SLC35D4: variants seen among roughly 807,000 people sequenced by gnomAD.
The protein encoded by SLC35D4 is UDP-N-acetylglucosamine transporter SLC35D4.
At chr18:23,327,021 C>T in the SLC35D4 span, among the ~76,000 whole-genome samples, 94 of 152,258 alleles carry the variant, frequency 6.2e-4, 3 homozygotes, top group East Asian at 0.017. Flanking sequence ...ACACAATGTA[C>T]CAGAATCTCT....
chr18:23,383,678 GT>G, the SLC35D4 span, among the ~76,000 whole-genome samples: 1 of 152,002 alleles, frequency 6.6e-6, no homozygotes, highest in African/African-American at 2.4e-5. Context: ...GCGAGGGATG[GT>G]TTTGTAAACA....
the SLC35D4 span, among the ~76,000 whole-genome samples, chr18:23,254,120 T>C: frequency 2.0e-5 from 3 of 152,194 alleles, no homozygotes; most frequent in South Asian, 6.2e-4. Context: ...ATAGGGATGA[T>C]CTACTTTGAC....
the SLC35D4 span, among the ~76,000 whole-genome samples, chr18:23,239,517 C>CA: frequency 1.3e-5 from 2 of 152,192 alleles, no homozygotes; most frequent in South Asian, 2.1e-4. Context: ...TCCTAGAAGC[C>CA]GACATGGGTT....
chr18:23,402,827 C>T, the SLC35D4 span, among the ~76,000 whole-genome samples: 1 of 151,860 alleles, frequency 6.6e-6, no homozygotes, highest in East Asian at 1.9e-4. Flanking sequence ...TAAAAATAGG[C>T]CAGGTGTGGT....
At chr18:23,307,490 G>A in the SLC35D4 span, among the ~76,000 whole-genome samples, 1 of 152,190 alleles carries the variant, frequency 6.6e-6, no homozygotes, top group Non-Finnish European at 1.5e-5. Context: ...GAGAGTTCAG[G>A]GGTGAAACCC....
the SLC35D4 span, among the ~76,000 whole-genome samples, chr18:23,425,536 G>A: frequency 1.3e-5 from 2 of 152,174 alleles, no homozygotes; most frequent in Non-Finnish European, 2.9e-5. Context: ...GCTTGGCCTC[G>A]CCTACCACAA....
chr18:23,310,018 A>G, the SLC35D4 span, among the ~76,000 whole-genome samples: 10 of 152,344 alleles, frequency 6.6e-5, no homozygotes, highest in East Asian at 1.9e-3. Context: ...CAAATTCTTC[A>G]AAAGGGAGGC....
the SLC35D4 span, among the ~76,000 whole-genome samples, chr18:23,247,016 A>G: frequency 8.5e-5 from 13 of 152,342 alleles, no homozygotes; most frequent in South Asian, 2.3e-3. Flanking sequence ...AATTCATACA[A>G]TTCAAACCTG....
chr18:23,432,507 C>A, the SLC35D4 span, among the ~76,000 whole-genome samples: 2 of 151,718 alleles, frequency 1.3e-5, no homozygotes, highest in African/African-American at 4.8e-5. Flanking sequence ...ATAGTGAAAC[C>A]CCGTCTCTAC....
chr18:23,431,647 G>A, the SLC35D4 span, among the ~76,000 whole-genome samples: 9 of 151,890 alleles, frequency 5.9e-5, no homozygotes, highest in African/African-American at 2.2e-4. Flanking sequence ...TTCTGCATAG[G>A]AGTCATAGTT....
chr18:23,239,986 T>C, the SLC35D4 span, among the ~76,000 whole-genome samples: 3 of 152,114 alleles, frequency 2.0e-5, no homozygotes, highest in African/African-American at 7.2e-5. Flanking sequence ...GGTGTGGTGT[T>C]GCGCGCCTGT....
the SLC35D4 span, among the ~76,000 whole-genome samples, chr18:23,377,481 AAC>A: frequency 1.3e-5 from 2 of 152,222 alleles, no homozygotes; most frequent in East Asian, 1.9e-4. Flanking sequence ...AGAAAAGAAA[AAC>A]ACAAGAAATT....
chr18:23,337,665 A>T, the SLC35D4 span, among the ~76,000 whole-genome samples: 1 of 152,218 alleles, frequency 6.6e-6, no homozygotes, highest in Non-Finnish European at 1.5e-5. Flanking sequence ...TCATGAGTTC[A>T]TCGTATATTT....
chr18:23,437,512 C>T, the SLC35D4 span, among the ~76,000 whole-genome samples: 4 of 152,108 alleles, frequency 2.6e-5, no homozygotes, highest in Non-Finnish European at 5.9e-5. Context: ...CACACAGCCC[C>T]AAACCAAGTT....
At chr18:23,283,272 A>C in the SLC35D4 span, among the ~76,000 whole-genome samples, 1 of 151,982 alleles carries the variant, frequency 6.6e-6, no homozygotes, top group African/African-American at 2.4e-5. Flanking sequence ...GGATTGCTTG[A>C]GCTCAGGAGT....
the SLC35D4 span, among the ~76,000 whole-genome samples, chr18:23,339,064 A>C: frequency 1.3e-5 from 2 of 152,224 alleles, no homozygotes; most frequent in Admixed American, 1.3e-4. Flanking sequence ...ATTAAAAAAA[A>C]ACTTTTTGTA....
chr18:23,368,283 G>C, the SLC35D4 span, among the ~76,000 whole-genome samples: 1 of 152,166 alleles, frequency 6.6e-6, no homozygotes, highest in Admixed American at 6.5e-5. Flanking sequence ...GAGTCTGCAA[G>C]GTCCTCTCCA....
At chr18:23,308,396 C>A in the SLC35D4 span, among the ~76,000 whole-genome samples, 1 of 152,134 alleles carries the variant, frequency 6.6e-6, no homozygotes, top group Admixed American at 6.5e-5. Context: ...AAACCAATGC[C>A]CAGTACGCCT....
At chr18:23,421,494 A>T in the SLC35D4 span, 1 of 1,552,506 alleles carries the variant, frequency 6.4e-7, no homozygotes. Context: ...TACAGTCTCC[A>T]ACACCATCCA....
Sources: gnomAD v4.1 joint callset for allele counts (sites outside exome capture counted in the v4.1 genomes callset) on GRCh38, gnomAD v4.1.1 for gene constraint, MANE v1.5 for transcripts, NCBI Gene and HGNC (gene_info 2026-07-23, HGNC 2026-07-21) for gene names.